The following PDE5A variants were observed in gnomAD, a reference collection of about 807,000 sequenced individuals.
PDE5A encodes the protein cGMP-specific 3',5'-cyclic phosphodiesterase.
PDE5A carries 67 observed loss-of-function variants against 110.2 expected under a neutral mutation model. That is an observed-to-expected ratio of 0.61 (90% CI 0.50 to 0.75). The LOEUF (loss-of-function observed/expected upper bound fraction) is 0.75, where lower values mean the gene tolerates loss of function less well. PDE5A is among the 30% of genes least tolerant of loss of function. The pLI, the probability that PDE5A is intolerant of heterozygous loss-of-function variation, is 0.00. For missense variants in PDE5A, 862 were observed against 1,045.1 expected, an observed-to-expected ratio of 0.82 and a Z score of 2.42; for synonymous variants, 328 against 351.2, an observed-to-expected ratio of 0.93 and a Z score of 0.74.
Position 119,507,708 on chromosome 4 carries a change from T to C in PDE5A, c.2089-4A>G, listed in dbSNP as rs779924541. 1 of 1,567,840 alleles carries C rather than the reference T, an allele frequency of 6.4e-7. No homozygotes were observed. Among genetic ancestry groups the C allele is most frequent in the East Asian group, 2.3e-5 (1 of 43,938 alleles). On this transcript the variant is annotated splice_polypyrimidine_tract_variant and splice_region_variant and intron_variant, in intron 15 of 20. Transcript: ENST00000354960. ...GGCCACTGAGAATCTGATTGCCCTT[T>C]ATAAAAAAAGAAAACCAGTATTAAC...
rs1725598831 is a variant in PDE5A at position 119,507,615 on chromosome 4, T to C, written c.2178A>G (p.Ala726=). Residue 726 remains alanine (A), a synonymous_variant, in exon 16 of 21, where the codon GCA becomes GCG. Coordinates refer to ENST00000354960, the MANE Select transcript of PDE5A (RefSeq NM_001083.4). ...TTCTTAAAACTTACTTAATGTACAG[T>C]GCTAGGTCTGTAGCTAAAATAGCTT... ...IKQAILATDL[A]LYIKRRGEFF... is the part of the protein sequence containing the mutation. The C allele has an allele frequency of 6.4e-7, 1 of 1,573,168 alleles. No individual in the cohort carries two copies. The highest frequency in any genetic ancestry group is 1.4e-5 in the African/African-American group (1 of 72,058).
chr4:119,622,397 C>A (rs920489045), intron 1 of PDE5A, among the ~76,000 whole-genome samples: 9 of 151,996 alleles, frequency 5.9e-5, no homozygotes, highest in Admixed American at 2.6e-4. Context: ...TCCTTTCTCT[C>A]CCGATTTTAG....
chr4:119,528,245 C>G (rs564805262), intron 11 of PDE5A, among the ~76,000 whole-genome samples: 2 of 150,756 alleles, frequency 1.3e-5, no homozygotes, highest in Admixed American at 6.6e-5. Flanking sequence ...TACCATGGCC[C>G]TCTTTTCACC....
intron 9 of PDE5A, among the ~76,000 whole-genome samples, chr4:119,547,469 G>C (rs1418810999): frequency 6.6e-6 from 1 of 150,982 alleles, no homozygotes; most frequent in Non-Finnish European, 1.5e-5. Context: ...TACTTATTTG[G>C]GGAAGGCAAC....
At chr4:119,613,904 C>T (rs143042599) in intron 1 of PDE5A, among the ~76,000 whole-genome samples, 124 of 152,132 alleles carry the variant, frequency 8.2e-4, no homozygotes, top group African/African-American at 2.7e-3. Flanking sequence ...GTTTCCTATT[C>T]CAGGTACTAT....
rs368932928 is a variant in PDE5A at position 119,624,257 on chromosome 4, T to A, written c.152+4263A>T. ...AAATATGCTTAACAATTCATTTGTC[T>A]GAAAATTGTGGAAAGTTTATATTCC... On this transcript the variant is annotated intron_variant, in intron 1 of 20. Transcript: ENST00000354960. 6.5e-4 allele frequency among the ~76,000 whole-genome samples: 99 copies of A among 152,322 alleles called. No homozygotes were observed. The East Asian group carries it at 0.011, about 17-fold the overall frequency.
At chr4:119,526,697 T>A (rs1726331758) in intron 11 of PDE5A, among the ~76,000 whole-genome samples, 1 of 152,164 alleles carries the variant, frequency 6.6e-6, no homozygotes, top group African/African-American at 2.4e-5. Flanking sequence ...TAATAAAATC[T>A]TATGGAGCAA....
chr4:119,540,228 G>A (rs779344624), intron 10 of PDE5A, among the ~76,000 whole-genome samples: 14 of 151,918 alleles, frequency 9.2e-5, no homozygotes, highest in Admixed American at 3.9e-4. Flanking sequence ...ACTTTAAATG[G>A]TGAGTAAAGT....
chr4:119,510,477 A>G (rs1047034654), intron 15 of PDE5A, among the ~76,000 whole-genome samples: 4 of 152,062 alleles, frequency 2.6e-5, no homozygotes, highest in African/African-American at 9.7e-5. Flanking sequence ...CCCCAAACAA[A>G]GATTAACAAT....
rs150202332 is a variant in PDE5A at position 119,574,473 on chromosome 4, G to A, written c.832-7329C>T. ...TGGGATTACAGGTGTGGGCCACCGC[G>A]CCTGGCCAAAATATAGGCTCTTATG... On this transcript the variant is annotated intron_variant, in intron 3 of 20. Coordinates refer to ENST00000354960, the MANE Select transcript of PDE5A (RefSeq NM_001083.4). Among the ~76,000 whole-genome samples the A allele has an allele frequency of 4.9e-3, 741 of 152,040 alleles. 3 individuals carry two copies. Among genetic ancestry groups the A allele is most frequent in the African/African-American group, 0.017 (692 of 41,454 alleles).
Position 119,553,761 on chromosome 4 carries a change from G to C in PDE5A, c.1200-15C>G. 1 of 1,285,720 alleles carries C rather than the reference G, an allele frequency of 7.8e-7. No homozygotes were observed. The highest frequency in any genetic ancestry group is 1.2e-5 in the South Asian group (1 of 84,310). 79.6% of individuals were successfully genotyped at this position (1,285,720 alleles called of 1,614,324 possible). ...CATCATGTTCCCTGTGAAAATAACA[G>C]ATATGAGTTCCCTCTGTGCAGTTAA... On this transcript the variant is annotated splice_polypyrimidine_tract_variant and intron_variant, in intron 7 of 20. Coordinates refer to ENST00000354960, the MANE Select transcript of PDE5A (RefSeq NM_001083.4).
chr4:119,536,164 T>G (rs534604774), intron 11 of PDE5A, among the ~76,000 whole-genome samples: 96 of 152,320 alleles, frequency 6.3e-4, no homozygotes, highest in African/African-American at 2.2e-3. Flanking sequence ...TTTTCAGTTA[T>G]TCAAAAGTAT....
intron 18 of PDE5A, among the ~76,000 whole-genome samples, chr4:119,503,327 CT>C (rs1725434688): frequency 6.6e-6 from 1 of 152,134 alleles, no homozygotes; most frequent in African/African-American, 2.4e-5. Context: ...ACATCCATCA[CT>C]TTTTCTGAGC....
intron 14 of PDE5A, among the ~76,000 whole-genome samples, chr4:119,517,827 A>G (rs909722364): frequency 1.3e-5 from 2 of 151,886 alleles, no homozygotes; most frequent in Non-Finnish European, 2.9e-5. Flanking sequence ...GACTGTGGAG[A>G]GGCGTACTAT....
intron 1 of PDE5A, among the ~76,000 whole-genome samples, chr4:119,609,422 TA>T (rs1480541593): frequency 6.6e-6 from 1 of 152,182 alleles, no homozygotes; most frequent in Non-Finnish European, 1.5e-5. Context: ...TGATATGAAT[TA>T]ATTAAGTGAA....
Position 119,502,668 on chromosome 4 carries a change from A to C in PDE5A, c.2332-13T>G, listed in dbSNP as rs201595574. The stretch of plus-strand genomic sequence containing the variant: ...CAAGTTCTGCTATCTGAAATAAATA[A>C]CAGACTCAGTTTTGACAATGAAAAG... On this transcript the variant is annotated splice_polypyrimidine_tract_variant and intron_variant, in intron 18 of 20. Coordinates refer to ENST00000354960, the MANE Select transcript of PDE5A (RefSeq NM_001083.4). 11 of 1,537,774 alleles carry C rather than the reference A, an allele frequency of 7.2e-6. No homozygotes were observed. In the South Asian group the frequency reaches 1.2e-4, roughly 17 times the overall value.
rs1358735248 is a variant in PDE5A, at chr4:119,628,758, T to G, written c.-87A>C. 2.0e-5 allele frequency: 31 copies of G among 1,540,914 alleles called. No homozygotes were observed. Among genetic ancestry groups the G allele is most frequent in the Non-Finnish European group, 2.6e-5 (30 of 1,141,430 alleles). ...TCCCTCAGAAGAACAGGACTCGGCC[T>G]CGAGACCCTCCCCCTTCGTCCTGCT... On this transcript the variant is annotated 5_prime_UTR_variant, in exon 1 of 21. Coordinates refer to ENST00000354960, the MANE Select transcript of PDE5A (RefSeq NM_001083.4).
chr4:119,511,374 T>C (rs183871470), intron 14 of PDE5A, among the ~76,000 whole-genome samples: 1 of 152,218 alleles, frequency 6.6e-6, no homozygotes, highest in Non-Finnish European at 1.5e-5. Flanking sequence ...AACAATTTCA[T>C]TGGTTTTAAT....
chr4:119,564,698 G>C (rs1191485964), intron 5 of PDE5A, among the ~76,000 whole-genome samples: 2 of 152,056 alleles, frequency 1.3e-5, no homozygotes, highest in East Asian at 3.8e-4. Flanking sequence ...AAAATGAAAA[G>C]TTCTGTAACA....
Sources: allele counts gnomAD v4.1 joint callset (sites outside exome capture counted in the v4.1 genomes callset), GRCh38; gene constraint gnomAD v4.1.1; transcripts MANE v1.5; gene names NCBI Gene and HGNC (gene_info 2026-07-23, HGNC 2026-07-21).